DENND10: variants seen among roughly 807,000 people sequenced by gnomAD.
The protein encoded by DENND10 is DENN domain containing 10.
A neutral mutation model predicts 43.6 loss-of-function variants in DENND10; 24 were observed. That is an observed-to-expected ratio of 0.55 (90% CI 0.40 to 0.77). DENND10 has a LOEUF of 0.77. DENND10 is among the 30% of genes least tolerant of loss of function. DENND10 has a pLI of 0.00. For missense variants in DENND10, 303 were observed against 429.9 expected (o/e 0.70, Z 2.61); for synonymous variants, 125 against 157.6 (o/e 0.79, Z 1.55).
At chr10:119,128,373 G>T (rs1471027960) in intron 6 of DENND10, among the ~76,000 whole-genome samples, 1 of 152,020 alleles carries the variant, frequency 6.6e-6, no homozygotes, top group East Asian at 1.9e-4. Flanking sequence ...GCTTTGGAAG[G>T]CTGAGGCAGG....
intron 5 of DENND10, among the ~76,000 whole-genome samples, chr10:119,121,365 C>T (rs12355491): frequency 0.53 from 80,091 of 149,734 alleles, 21,767 homozygotes; most frequent in Middle Eastern, 0.66. Context: ...AGGCTGGTCT[C>T]GATGTCCTAG....
chr10:119,116,217 C>T (rs1845265562), intron 3 of DENND10, among the ~76,000 whole-genome samples: 1 of 152,146 alleles, frequency 6.6e-6, no homozygotes. Flanking sequence ...AGACGGATTC[C>T]ACATGTGAGC....
chr10:119,126,429 G>A (rs940040442), intron 6 of DENND10, among the ~76,000 whole-genome samples: 4 of 152,068 alleles, frequency 2.6e-5, no homozygotes, highest in South Asian at 2.1e-4. Flanking sequence ...AACAGTGTAC[G>A]AGAGTTCTTT....
At chr10:119,105,814 A>G (rs966198782) in intron 1 of DENND10, among the ~76,000 whole-genome samples, 1 of 152,082 alleles carries the variant, frequency 6.6e-6, no homozygotes, top group African/African-American at 2.4e-5. Flanking sequence ...CCCAGGAGGC[A>G]GAGGTTGCAG....
intron 6 of DENND10, among the ~76,000 whole-genome samples, chr10:119,126,681 T>G (rs1003225252): frequency 6.6e-6 from 1 of 151,960 alleles, no homozygotes; most frequent in Non-Finnish European, 1.5e-5. Context: ...GTCAGGCTGG[T>G]CTCGAACTCC....
intron 4 of DENND10, among the ~76,000 whole-genome samples, chr10:119,119,324 T>C (rs1845451807): frequency 6.6e-6 from 1 of 152,052 alleles, no homozygotes; most frequent in African/African-American, 2.4e-5. Context: ...GTATTTTTAG[T>C]AGAGATGGGG....
rs1238072583 is a variant in DENND10 at position 119,132,652 on chromosome 10, T to G, written c.897+43T>G. On this transcript the variant is annotated intron_variant, in intron 8 of 8. Transcript: ENST00000361432. The surrounding 1 kb of genome is among the most constrained non-coding windows in gnomAD (Gnocchi z 4.2). ...TGACTTACTGAAAGTCCTGACCCGG[T>G]GTCGCTGGGTGGTGTGCGGCAGAGC... 1 of 1,484,390 alleles carries G rather than the reference T, an allele frequency of 6.7e-7. No individual in the cohort carries two copies. The highest frequency in any genetic ancestry group is 9.4e-7 in the Non-Finnish European group (1 of 1,061,406). The allele number at this position is 1,484,390 out of a possible 1,614,324, so 92.0% of individuals were successfully genotyped here.
chr10:119,132,723 A>C lies in DENND10; in HGVS notation c.897+114A>C. On this transcript the variant is annotated intron_variant, in intron 8 of 8. Coordinates refer to ENST00000361432, the MANE Select transcript of DENND10 (RefSeq NM_207009.4). The surrounding 1 kb of genome is among the most constrained non-coding windows in gnomAD (Gnocchi z 4.2). ...GGGGCTGTGGTAGAGGCCAGCGGGC[A>C]GGTGCTTAGAGAGGGTTTACAGACG... The C allele has an allele frequency of 1.2e-6, 1 of 834,184 alleles. No homozygotes were observed. The highest frequency in any genetic ancestry group is 1.9e-5 in the Admixed American group (1 of 53,492). 51.7% of individuals were successfully genotyped at this position (834,184 alleles called of 1,614,324 possible). A position where few individuals can be genotyped will look rare whatever the true frequency, so the allele number is the denominator to read the frequency against.
intron 1 of DENND10, among the ~76,000 whole-genome samples, chr10:119,106,584 C>G (rs780833779): frequency 3.3e-5 from 5 of 152,154 alleles, no homozygotes. Flanking sequence ...CTCAGGCGAT[C>G]CTCCTGGGTT....
chr10:119,105,431 C>A, intron 1 of DENND10: 1 of 582,340 alleles, frequency 1.7e-6, no homozygotes, highest in Non-Finnish European at 2.5e-6. Context: ...GGACCTCAGG[C>A]GTGCACCACC....
intron 7 of DENND10, among the ~76,000 whole-genome samples, chr10:119,131,528 C>A (rs1179363778): frequency 2.6e-5 from 4 of 152,104 alleles, no homozygotes; most frequent in African/African-American, 9.7e-5. Context: ...GGCTTAAATG[C>A]GTGTTGAGCA....
chr10:119,116,872 GT>G (rs1282848325), intron 3 of DENND10, among the ~76,000 whole-genome samples: 2 of 150,690 alleles, frequency 1.3e-5, no homozygotes, highest in Non-Finnish European at 2.9e-5. Context: ...TAGAGGTGAG[GT>G]TTTGCCATGT....
At chr10:119,109,216 CAA>C (rs56064617) in intron 2 of DENND10, among the ~76,000 whole-genome samples, 10 of 129,162 alleles carry the variant, frequency 7.7e-5, no homozygotes, top group African/African-American at 8.8e-5. Flanking sequence ...AACTCCGTCT[CAA>C]AAAAAAAAAA....
intron 1 of DENND10, among the ~76,000 whole-genome samples, 181 bp downstream of exon 1, chr10:119,104,378 C>T (rs954204622): frequency 2.0e-5 from 3 of 151,396 alleles, no homozygotes; most frequent in African/African-American, 7.2e-5. Flanking sequence ...TGCAGGGGAC[C>T]CGGCCCGCCG....
chr10:119,136,388 G>GA, intron 8 of DENND10, 83 bp from the exon 9 acceptor site: 3 of 1,491,994 alleles, frequency 2.0e-6, no homozygotes, highest in Non-Finnish European at 2.7e-6. Flanking sequence ...AAACAGTCTG[G>GA]AAAAAATAGG....
chr10:119,131,817 A>G (rs1340893401), intron 7 of DENND10, among the ~76,000 whole-genome samples: 1 of 152,252 alleles, frequency 6.6e-6, no homozygotes, highest in Non-Finnish European at 1.5e-5. Flanking sequence ...CGAAAGTGAA[A>G]GAAAACTGGC....
At chr10:119,129,467 AC>A in intron 6 of DENND10, 47 bp from the exon 7 acceptor site, 1 of 1,235,788 alleles carries the variant, frequency 8.1e-7, no homozygotes, top group African/African-American at 1.5e-5. Flanking sequence ...TGATGGGTTC[AC>A]CATATTTCTT....
At chr10:119,135,303 G>A (rs745574508) in intron 8 of DENND10, 1 of 152,126 alleles carries the variant, frequency 6.6e-6, no homozygotes, top group Admixed American at 6.5e-5. Flanking sequence ...GACTGTACTC[G>A]TATGGAAATA....
At chr10:119,135,303 G>C (rs745574508) in intron 8 of DENND10, 1 of 152,126 alleles carries the variant, frequency 6.6e-6, no homozygotes, top group Non-Finnish European at 1.5e-5. Flanking sequence ...GACTGTACTC[G>C]TATGGAAATA....
Sources: gnomAD v4.1 joint callset for allele counts (sites outside exome capture counted in the v4.1 genomes callset) on GRCh38, gnomAD v4.1.1 for gene constraint, Gnocchi (gnomAD v3.1) non-coding constraint, MANE v1.5 for transcripts, NCBI Gene and HGNC (gene_info 2026-07-23, HGNC 2026-07-21) for gene names.